OTUD7A: variants seen among roughly 807,000 people sequenced by gnomAD.
The protein encoded by OTUD7A is OTU deubiquitinase 7A, also known as OTU domain-containing protein 7A.
A neutral mutation model predicts 65.7 loss-of-function variants in OTUD7A; 12 were observed. That is an observed-to-expected ratio of 0.18 (90% CI 0.12 to 0.30). The LOEUF is 0.30. Ranked by LOEUF, OTUD7A falls within the 10% of genes least tolerant of loss-of-function variation. The pLI is 1.00. For missense variants in OTUD7A, 1,148 were observed against 1,304.8 expected, an observed-to-expected ratio of 0.88 and a Z score of 1.85; for synonymous variants, 641 against 586.3, an observed-to-expected ratio of 1.09 and a Z score of -1.35.
At chr15:31,812,114 C>T (rs994263233) in intron 1 of OTUD7A, among the ~76,000 whole-genome samples, 6 of 152,182 alleles carry the variant, frequency 3.9e-5, no homozygotes, top group African/African-American at 9.7e-5. Flanking sequence ...AACAAGTGGG[C>T]TCTGCAAGTG....
chr15:31,849,231 C>T (rs993073381), intron 1 of OTUD7A, among the ~76,000 whole-genome samples: 12 of 152,020 alleles, frequency 7.9e-5, no homozygotes, highest in African/African-American at 2.9e-4. Flanking sequence ...CAGAACAGAG[C>T]CCTCAGAAAT....
chr15:31,744,538 G>A (rs1894425702), intron 1 of OTUD7A, among the ~76,000 whole-genome samples: 1 of 151,966 alleles, frequency 6.6e-6, no homozygotes, highest in Admixed American at 6.6e-5. Context: ...CTGCAACCTT[G>A]AAATAAGAAA....
intron 5 of OTUD7A, among the ~76,000 whole-genome samples, chr15:31,533,315 C>T (rs899939164): frequency 6.0e-5 from 9 of 150,402 alleles, no homozygotes; most frequent in African/African-American, 2.2e-4. Context: ...CAGCTCACTG[C>T]AACCTCTGCC....
chr15:31,753,737 A>ATC (rs1229467879), intron 1 of OTUD7A, among the ~76,000 whole-genome samples: 10 of 129,248 alleles, frequency 7.7e-5, no homozygotes, highest in Non-Finnish European at 1.5e-4. Flanking sequence ...ATATATATAT[A>ATC]TATCTCACAG....
In OTUD7A at chr15:31,624,649, C is replaced by T. The variant is rs536971970; in HGVS notation, c.151+30447G>A. Among the ~76,000 whole-genome samples, 286 of 152,178 alleles carry T rather than the reference C, an allele frequency of 1.9e-3. 1 individual carries two copies. Among genetic ancestry groups the T allele is most frequent in the Non-Finnish European group, 2.8e-3 (189 of 67,998 alleles). ...CCTATTATGTTCCATTTCAGTGTTG[C>T]GGATACCTTGTTTCATTCATTCATA... On this transcript the variant is annotated intron_variant, in intron 3 of 12. Transcript: ENST00000307050.
At chr15:31,550,026 G>A (rs906512006) in intron 5 of OTUD7A, among the ~76,000 whole-genome samples, 2 of 150,652 alleles carry the variant, frequency 1.3e-5, no homozygotes, top group African/African-American at 4.9e-5. Flanking sequence ...CTTGAACCCA[G>A]AAGGTGGAGG....
At chr15:31,775,115 CACA>C (rs1895342648) in intron 1 of OTUD7A, among the ~76,000 whole-genome samples, 2 of 151,786 alleles carry the variant, frequency 1.3e-5, no homozygotes, top group Non-Finnish European at 2.9e-5. Context: ...CACACACACA[CACA>C]CCCCTCCCCT....
chr15:31,626,859 A>C (rs1890968693), intron 3 of OTUD7A, among the ~76,000 whole-genome samples: 1 of 150,046 alleles, frequency 6.7e-6, no homozygotes, highest in Admixed American at 6.6e-5. Flanking sequence ...TACAGGTGTG[A>C]GCCACTGCAC....
At chr15:31,600,742 C>T (rs1315496363) in intron 3 of OTUD7A, among the ~76,000 whole-genome samples, 7 of 151,976 alleles carry the variant, frequency 4.6e-5, no homozygotes, top group Admixed American at 3.9e-4. Flanking sequence ...CACACACAGA[C>T]TCAAAATAAA....
chr15:31,483,261 T>A lies in OTUD7A; in HGVS notation c.*33A>T. 9.3e-7 allele frequency: 1 copy of A among 1,073,336 alleles called. No homozygotes were observed. Among genetic ancestry groups the A allele is most frequent in the South Asian group, 4.3e-5 (1 of 23,014 alleles). The allele number at this position is 1,073,336 out of a possible 1,614,324, so 66.5% of individuals were successfully genotyped here. On this transcript the variant is annotated 3_prime_UTR_variant, in exon 13 of 13. Coordinates refer to ENST00000307050, the MANE Select transcript of OTUD7A (RefSeq NM_001382637.1). ...ACAATGGAAAAGAAATCCTCGAAGG[T>A]AGAACCTCGCCGCCCGCGCCGCGCC...
rs148523709 is a variant in OTUD7A at position 31,698,956 on chromosome 15, A to G, written c.-99-41879T>C. Among the ~76,000 whole-genome samples, 692 of 152,252 alleles carry G rather than the reference A, an allele frequency of 4.5e-3. 6 individuals carry two copies. The highest frequency in any genetic ancestry group is 0.016 in the African/African-American group (662 of 41,530). On this transcript the variant is annotated intron_variant, in intron 1 of 12. Transcript: ENST00000307050. ...TTTAACAGGATGGTAATAAGGACTT[A>G]CTGAGATAACATTCGTAGAGGGATG...
At chr15:31,515,965 C>G (rs1220084574) in intron 8 of OTUD7A, among the ~76,000 whole-genome samples, 1 of 152,100 alleles carries the variant, frequency 6.6e-6, no homozygotes, top group African/African-American at 2.4e-5. Context: ...CACCCACCCA[C>G]CTACGCACGC....
At chr15:31,661,012 G>A (rs1247701624) in intron 1 of OTUD7A, among the ~76,000 whole-genome samples, 1 of 152,236 alleles carries the variant, frequency 6.6e-6, no homozygotes, top group African/African-American at 2.4e-5. Flanking sequence ...GGCCCAATGG[G>A]AAGGAGACAT....
chr15:31,753,685 A>ATATATATATATATATATAT (rs1567004737), intron 1 of OTUD7A, among the ~76,000 whole-genome samples: 1 of 83,756 alleles, frequency 1.2e-5, no homozygotes, highest in East Asian at 3.8e-4. Context: ...ATAACCTGTG[A>ATATATATATATATATATAT]GATATATATA....
At chr15:31,686,055 T>G (rs949495569) in intron 1 of OTUD7A, among the ~76,000 whole-genome samples, 1 of 152,112 alleles carries the variant, frequency 6.6e-6, no homozygotes, top group Admixed American at 6.5e-5. Context: ...CTTTGAAGAG[T>G]AAGACCCAAA....
chr15:31,828,371 G>A (rs954238886), intron 1 of OTUD7A, among the ~76,000 whole-genome samples: 6 of 152,032 alleles, frequency 3.9e-5, no homozygotes, highest in African/African-American at 1.4e-4. Flanking sequence ...GGAGTGCAAT[G>A]TAATGTTTCA....
At chr15:31,576,582 C>T (rs1889210038) in intron 3 of OTUD7A, among the ~76,000 whole-genome samples, 1 of 152,088 alleles carries the variant, frequency 6.6e-6, no homozygotes, top group South Asian at 2.1e-4. Context: ...CTCATGTCTC[C>T]CTAAAGTGTA....
At chr15:31,560,913 G>C (rs374563916) in intron 4 of OTUD7A, among the ~76,000 whole-genome samples, 39 of 152,308 alleles carry the variant, frequency 2.6e-4, no homozygotes, top group African/African-American at 9.1e-4. Context: ...TTCCCCACTT[G>C]CAAGAGCACT....
intron 1 of OTUD7A, among the ~76,000 whole-genome samples, chr15:31,750,592 C>T (rs888618784): frequency 6.6e-6 from 1 of 152,006 alleles, no homozygotes; most frequent in African/African-American, 2.4e-5. Context: ...CATCTCATTA[C>T]CCAACTTCAA....
Sources: allele counts gnomAD v4.1 joint callset (sites outside exome capture counted in the v4.1 genomes callset), GRCh38; gene constraint gnomAD v4.1.1; transcripts MANE v1.5; gene names NCBI Gene and HGNC (gene_info 2026-07-23, HGNC 2026-07-21).